ADAMTS12: variants seen among roughly 807,000 people sequenced by gnomAD.
ADAMTS12 encodes the protein A disintegrin and metalloproteinase with thrombospondin motifs 12.
In ADAMTS12, 118 loss-of-function variants were observed where a neutral mutation model predicts 167.8. The ratio of observed to expected loss-of-function variants is 0.70; its 90% CI spans 0.61 to 0.82. The LOEUF (loss-of-function observed/expected upper bound fraction) is 0.82. Among genes scored for constraint, ADAMTS12 ranks in the 40% least tolerant of loss-of-function variants. ADAMTS12 has a pLI of 0.00. For missense variants in ADAMTS12, 1,916 were observed against 1,998.8 expected (o/e 0.96, Z 0.79); for synonymous variants, 704 against 716.9 (o/e 0.98, Z 0.29).
At chr5:33,885,726 T>G (rs926864343) in intron 1 of ADAMTS12, among the ~76,000 whole-genome samples, 3 of 152,166 alleles carry the variant, frequency 2.0e-5, no homozygotes, top group African/African-American at 7.2e-5. Context: ...AGAATTCACC[T>G]TGGAAGAGGC....
intron 5 of ADAMTS12, 78 bp downstream of exon 5, chr5:33,682,940 T>C: frequency 8.4e-7 from 1 of 1,186,208 alleles, no homozygotes; most frequent in Non-Finnish European, 1.2e-6. Flanking sequence ...CTTTCTTGTC[T>C]ACCAAGAACT....
rs201371361 is a variant in ADAMTS12, at chr5:33,624,305, C to T, written c.2069G>A (p.Arg690His). 2.7e-5 allele frequency: 44 copies of T among 1,614,072 alleles called. No individual in the cohort carries two copies. In the Middle Eastern group the frequency reaches 5.0e-4, roughly 18 times the overall value. Residue 690 changes from arginine (R) to histidine (H), a missense_variant, in exon 14 of 24, where the codon CGC becomes CAC. Coordinates refer to ENST00000504830, the MANE Select transcript of ADAMTS12 (RefSeq NM_030955.4). ...YEIDSNATED[R>H]CGVCLGDGSS... ...GCCATCTCCCAGGCACACACCGCAG[C>T]GATCCTCGGTGGCATTGGAATCGAT...
intron 13 of ADAMTS12, 77 bp downstream of exon 13, chr5:33,630,703 C>T (rs1739879171): frequency 6.6e-7 from 1 of 1,506,762 alleles, no homozygotes; most frequent in African/African-American, 1.4e-5. Context: ...AAAGCACAAA[C>T]CTAGAACATC....
At chr5:33,652,420 T>C (rs1740897454) in intron 7 of ADAMTS12, among the ~76,000 whole-genome samples, 1 of 152,234 alleles carries the variant, frequency 6.6e-6, no homozygotes, top group Non-Finnish European at 1.5e-5. Context: ...TGGCCACTTT[T>C]GTGTCTTCTT....
chr5:33,766,291 T>C (rs1217535558), intron 2 of ADAMTS12, among the ~76,000 whole-genome samples: 1 of 152,162 alleles, frequency 6.6e-6, no homozygotes, highest in African/African-American at 2.4e-5. Context: ...TGGCATGTTA[T>C]CTCTGCTGTG....
intron 3 of ADAMTS12, among the ~76,000 whole-genome samples, chr5:33,743,626 A>G (rs767580562): frequency 2.6e-5 from 4 of 152,200 alleles, no homozygotes; most frequent in African/African-American, 4.8e-5. Flanking sequence ...TGTCTGGCAC[A>G]GTGTGAGTGT....
chr5:33,686,239 C>T (rs4360047), intron 3 of ADAMTS12, among the ~76,000 whole-genome samples: 53,066 of 151,988 alleles, frequency 0.35, 10,892 homozygotes, highest in Non-Finnish European at 0.47. Flanking sequence ...CTCAGCCTCC[C>T]TCCCCTGGGT....
In ADAMTS12 at chr5:33,576,720, A is replaced by C; in HGVS notation, c.3306T>G (p.Ser1102Arg). The change falls in exon 19 of 24, where the codon AGT becomes AGG. Residue 1102 changes from serine (S) to arginine (R), a missense_variant. Physicochemically the swap from Ser to Arg is moderately radical, Grantham distance 110. Coordinates refer to ENST00000504830, the MANE Select transcript of ADAMTS12 (RefSeq NM_030955.4). ...TATCTGAACTGGAAACATTTTCCTC[A>C]CTTGGCTGAATGCTCAAGGATTGGG... ...LTSQSLSIQP[S>R]EENVSSSDTG... 6.2e-7 allele frequency: 1 copy of C among 1,614,174 alleles called. No homozygotes were observed. Among genetic ancestry groups the C allele is most frequent in the Non-Finnish European group, 8.5e-7 (1 of 1,180,026 alleles).
At position 33,865,414 on chromosome 5, in the gene ADAMTS12, G is replaced by T. The variant is rs549753495; in HGVS notation, c.489+15705C>A. 2.6e-4 allele frequency among the ~76,000 whole-genome samples: 40 copies of T among 152,144 alleles called. No homozygotes were observed. In the South Asian group the frequency reaches 6.6e-3, roughly 25 times the overall value. ...CAGAAAAAGCATTTGATAAAATCCC[G>T]CATTGCTTTATGATAAAAACCCTCA... On this transcript the variant is annotated intron_variant, in intron 2 of 23. Coordinates refer to ENST00000504830, the MANE Select transcript of ADAMTS12 (RefSeq NM_030955.4).
intron 2 of ADAMTS12, among the ~76,000 whole-genome samples, chr5:33,851,543 G>A (rs1749220488): frequency 6.6e-6 from 1 of 152,170 alleles, no homozygotes; most frequent in Non-Finnish European, 1.5e-5. Context: ...TCCAGAGGAG[G>A]GATGTAAAGC....
At chr5:33,800,849 A>G (rs1293426218) in intron 2 of ADAMTS12, among the ~76,000 whole-genome samples, 1 of 152,172 alleles carries the variant, frequency 6.6e-6, no homozygotes, top group South Asian at 2.1e-4. Flanking sequence ...AACGGTATCT[A>G]TGTCCTAATC....
chr5:33,698,623 T>C, intron 3 of ADAMTS12, among the ~76,000 whole-genome samples: 1 of 123,348 alleles, frequency 8.1e-6, no homozygotes, highest in East Asian at 2.3e-4. Flanking sequence ...CAGATATCAC[T>C]AGCCCCATTA....
chr5:33,632,676 G>T (rs542447886), intron 12 of ADAMTS12, among the ~76,000 whole-genome samples: 1 of 152,186 alleles, frequency 6.6e-6, no homozygotes, highest in Non-Finnish European at 1.5e-5. Flanking sequence ...AGCAACCTGG[G>T]AACAATTCTA....
chr5:33,856,901 T>C (rs1026353673), intron 2 of ADAMTS12, among the ~76,000 whole-genome samples: 3 of 152,204 alleles, frequency 2.0e-5, no homozygotes, highest in African/African-American at 7.2e-5. Context: ...CTTTTGGGTA[T>C]ATACCCAAAG....
intron 2 of ADAMTS12, among the ~76,000 whole-genome samples, chr5:33,778,004 C>T (rs1049229305): frequency 2.0e-5 from 3 of 151,844 alleles, no homozygotes; most frequent in Admixed American, 1.3e-4. Context: ...CTGTAAATCA[C>T]TGATGAAAGA....
intron 2 of ADAMTS12, among the ~76,000 whole-genome samples, chr5:33,829,159 C>T (rs6894469): frequency 6.6e-6 from 1 of 151,908 alleles, no homozygotes; most frequent in Non-Finnish European, 1.5e-5. Flanking sequence ...TACTTGCATG[C>T]CAATAATGGG....
At chr5:33,880,220 C>A (rs951941915) in intron 2 of ADAMTS12, among the ~76,000 whole-genome samples, 4 of 152,216 alleles carry the variant, frequency 2.6e-5, no homozygotes, top group Non-Finnish European at 5.9e-5. Context: ...TCTGCTAAAA[C>A]GAGGCAAAGT....
intron 5 of ADAMTS12, 30 bp downstream of exon 5, chr5:33,682,988 T>C (rs1742185204): frequency 1.3e-6 from 2 of 1,594,180 alleles, no homozygotes; most frequent in African/African-American, 1.3e-5. Context: ...CGAGGACATA[T>C]AGCAGAAGAG....
At chr5:33,773,565 T>G (rs927733735) in intron 2 of ADAMTS12, among the ~76,000 whole-genome samples, 2 of 152,130 alleles carry the variant, frequency 1.3e-5, no homozygotes, top group African/African-American at 4.8e-5. Flanking sequence ...TCTCTGTGAA[T>G]TCTTAGTTAT....
Sources: allele counts gnomAD v4.1 joint callset (sites outside exome capture counted in the v4.1 genomes callset), GRCh38; gene constraint gnomAD v4.1.1; transcripts MANE v1.5; gene names NCBI Gene and HGNC (gene_info 2026-07-23, HGNC 2026-07-21).